KCNB2: variants seen among roughly 807,000 people sequenced by gnomAD.
KCNB2 encodes the protein delayed rectifier potassium channel protein.
KCNB2 carries 15 observed loss-of-function variants against 61.5 expected under a neutral mutation model. The observed-to-expected ratio is 0.24, with a 90% CI of 0.16 to 0.38. The LOEUF (loss-of-function observed/expected upper bound fraction) is 0.38. Among genes scored for constraint, KCNB2 ranks in the 10% least tolerant of loss-of-function variants. The pLI is 1.00. For synonymous variants in KCNB2, 457 were observed against 446.0 expected (o/e 1.02, Z -0.31); for missense variants, 828 against 1,125.2 (o/e 0.74, Z 3.78).
chr8:72,884,980 A>G (rs575053736), intron 2 of KCNB2, among the ~76,000 whole-genome samples: 2 of 152,310 alleles, frequency 1.3e-5, no homozygotes, highest in South Asian at 4.1e-4. Context: ...TTAATATGCA[A>G]TTTTATTTTA....
chr8:72,778,180 T>C (rs577283334), intron 2 of KCNB2, among the ~76,000 whole-genome samples: 2 of 152,312 alleles, frequency 1.3e-5, no homozygotes, highest in South Asian at 4.1e-4. Context: ...TAATACTCTC[T>C]CCTTTCCAGC....
At chr8:72,712,931 C>T (rs536803266) in intron 2 of KCNB2, among the ~76,000 whole-genome samples, 12 of 152,276 alleles carry the variant, frequency 7.9e-5, no homozygotes, top group Middle Eastern at 6.8e-3. Context: ...GGGTGACAGA[C>T]GGCACCTGGA....
chr8:72,746,353 C>T (rs1428258621), intron 2 of KCNB2, among the ~76,000 whole-genome samples: 1 of 152,172 alleles, frequency 6.6e-6, no homozygotes. Context: ...GCAACCCTAG[C>T]TTGTCCTTTT....
At chr8:72,840,777 A>C (rs560483217) in intron 2 of KCNB2, among the ~76,000 whole-genome samples, 51 of 151,808 alleles carry the variant, frequency 3.4e-4, no homozygotes, top group African/African-American at 1.2e-3. Context: ...AAATTTGTTT[A>C]AGTTCCTTGT....
At chr8:72,696,847 T>C (rs1326441084) in intron 2 of KCNB2, among the ~76,000 whole-genome samples, 1 of 152,198 alleles carries the variant, frequency 6.6e-6, no homozygotes, top group Non-Finnish European at 1.5e-5. Context: ...ATTTTTTCTA[T>C]ATGCTAGTCT....
intron 2 of KCNB2, among the ~76,000 whole-genome samples, chr8:72,595,054 T>C (rs565295949): frequency 6.6e-6 from 1 of 152,270 alleles, no homozygotes; most frequent in African/African-American, 2.4e-5. Flanking sequence ...AGGGTCTTGC[T>C]ATTTTACAGA....
At chr8:72,856,251 C>G (rs1019856646) in intron 2 of KCNB2, among the ~76,000 whole-genome samples, 1 of 152,010 alleles carries the variant, frequency 6.6e-6, no homozygotes. Flanking sequence ...AACATATAAT[C>G]AATATGAAAA....
intron 2 of KCNB2, among the ~76,000 whole-genome samples, chr8:72,578,042 G>C (rs568870306): frequency 6.6e-6 from 1 of 152,222 alleles, no homozygotes; most frequent in African/African-American, 2.4e-5. Flanking sequence ...ATTTTGTATA[G>C]GACCATCTAA....
chr8:72,608,654 G>C (rs1022910664), intron 2 of KCNB2, among the ~76,000 whole-genome samples: 3 of 152,126 alleles, frequency 2.0e-5, no homozygotes, highest in Non-Finnish European at 4.4e-5. Flanking sequence ...TATCCAGCAG[G>C]GGGAGAGGGC....
intron 2 of KCNB2, among the ~76,000 whole-genome samples, chr8:72,715,331 T>C (rs1045650610): frequency 2.6e-4 from 40 of 152,194 alleles, no homozygotes; most frequent in Non-Finnish European, 5.3e-4. Flanking sequence ...TTTACAGAAC[T>C]GTCCACCCCA....
At chr8:72,568,655 T>C (rs552694896) in intron 2 of KCNB2, among the ~76,000 whole-genome samples, 1 of 152,270 alleles carries the variant, frequency 6.6e-6, no homozygotes, top group South Asian at 2.1e-4. Context: ...CACTGAGTCT[T>C]GTGGAAGACG....
intron 2 of KCNB2, among the ~76,000 whole-genome samples, chr8:72,777,599 A>G (rs901428134): frequency 5.9e-5 from 9 of 152,314 alleles, no homozygotes; most frequent in African/African-American, 1.9e-4. Context: ...TTTTCTAAGA[A>G]TTTCCAGAAT....
chr8:72,729,345 T>G lies in KCNB2; in HGVS notation c.579+161032T>G, dbSNP rs919766869. ...ACTTTGGGCTTCTGCTCCAGCATTTTGGATATAGAGGACCCTGAAGGTTAA... is the reference window on the plus strand; with the variant it reads ...ACTTTGGGCTTCTGCTCCAGCATTTGGGATATAGAGGACCCTGAAGGTTAA... On this transcript the variant is annotated intron_variant, in intron 2 of 2. Coordinates refer to ENST00000523207, the MANE Select transcript of KCNB2 (RefSeq NM_004770.3). Among the ~76,000 whole-genome samples, 5 of 152,346 alleles carry G rather than the reference T, an allele frequency of 3.3e-5. No homozygotes were observed. The East Asian group carries it at 9.6e-4, about 29-fold the overall frequency.
At chr8:72,788,264 C>G (rs1216216081) in intron 2 of KCNB2, among the ~76,000 whole-genome samples, 1 of 152,134 alleles carries the variant, frequency 6.6e-6, no homozygotes, top group Non-Finnish European at 1.5e-5. Flanking sequence ...TCTCACAATT[C>G]TGGAGGGTGG....
intron 1 of KCNB2, among the ~76,000 whole-genome samples, chr8:72,551,154 A>C (rs1042837239): frequency 6.6e-6 from 1 of 152,162 alleles, no homozygotes; most frequent in African/African-American, 2.4e-5. Context: ...ATGTTCCACT[A>C]TAGCTTACTA....
At chr8:72,838,751 T>A (rs1809827407) in intron 2 of KCNB2, among the ~76,000 whole-genome samples, 1 of 152,140 alleles carries the variant, frequency 6.6e-6, no homozygotes, top group Non-Finnish European at 1.5e-5. Flanking sequence ...AAATGGATAA[T>A]AACATGTAAA....
At chr8:72,915,494 A>C (rs1339038830) in intron 2 of KCNB2, among the ~76,000 whole-genome samples, 1 of 152,202 alleles carries the variant, frequency 6.6e-6, no homozygotes, top group East Asian at 1.9e-4. Flanking sequence ...AAATTTAGGG[A>C]GTTCGATGTA....
In KCNB2 at chr8:72,881,472, C is replaced by T. The variant is rs1477824675; in HGVS notation, c.580-54463C>T. On this transcript the variant is annotated intron_variant, in intron 2 of 2. Transcript: ENST00000523207. ...TGGCCTGCGCCCACTGTCTGGCACT[C>T]CCTAGTGAGATGAACCCGGTACCTC... 2 of 15,714 alleles carry T rather than the reference C, an allele frequency of 1.3e-4. 1 individual carries two copies. Among genetic ancestry groups the T allele is most frequent in the Non-Finnish European group, 2.9e-4 (2 of 6,828 alleles). The allele number at this position is 15,714 out of a possible 1,614,324, so 1.0% of individuals were successfully genotyped here.
chr8:72,783,172 A>G (rs899851188), intron 2 of KCNB2, among the ~76,000 whole-genome samples: 2 of 152,124 alleles, frequency 1.3e-5, no homozygotes, highest in African/African-American at 4.8e-5. Context: ...TAGTCAACCC[A>G]CCATTATTTC....
Sources: allele counts gnomAD v4.1 joint callset (sites outside exome capture counted in the v4.1 genomes callset), GRCh38; gene constraint gnomAD v4.1.1; transcripts MANE v1.5; gene names NCBI Gene and HGNC (gene_info 2026-07-23, HGNC 2026-07-21).